Variants in THBS4 observed in about 807,000 individuals in gnomAD.
THBS4 encodes the protein thrombospondin 4, also known as thrombospondin-4.
Under a neutral mutation model 115.7 loss-of-function variants are expected in THBS4, and 90 were observed. The observed-to-expected ratio is 0.78, with a 90% CI of 0.66 to 0.93. THBS4 has a LOEUF of 0.93. THBS4 is among the 40% of genes least tolerant of loss of function. The pLI is 0.00. For synonymous variants in THBS4, 460 were observed against 479.3 expected, an observed-to-expected ratio of 0.96 and a Z score of 0.53; for missense variants, 1,087 against 1,232.7, an observed-to-expected ratio of 0.88 and a Z score of 1.77.
chr5:80,078,324 C>T, intron 17 of THBS4, 97 bp downstream of exon 17: 1 of 1,084,412 alleles, frequency 9.2e-7, no homozygotes. Context: ...GACAATAAGC[C>T]AGGCATTCTT....
chr5:80,035,175 G>A (rs1832670209), upstream of THBS4, among the ~76,000 whole-genome samples: 1 of 151,906 alleles, frequency 6.6e-6, no homozygotes, highest in Admixed American at 6.5e-5. This position sits in a 1 kb window ranked among gnomAD's most constrained non-coding sequence, Gnocchi z 4.6. Context: ...GACCTGGTCC[G>A]TCCAGGCTCC....
At chr5:80,081,432 AAATAAG>A (rs1743501426) in intron 20 of THBS4, among the ~76,000 whole-genome samples, 1 of 152,194 alleles carries the variant, frequency 6.6e-6, no homozygotes, top group Non-Finnish European at 1.5e-5. Context: ...TATCATAGAG[AAATAAG>A]AATAATTTAT....
At chr5:80,008,815 G>A (rs1022038441) in intron 2 of THBS4, among the ~76,000 whole-genome samples, 1 of 152,114 alleles carries the variant, frequency 6.6e-6, no homozygotes, top group African/African-American at 2.4e-5. Context: ...GATGTCTGGT[G>A]GGGAGGGGGT....
At position 80,053,513 on chromosome 5, in the gene THBS4, CAT is replaced by C. The variant is rs1314824220; in HGVS notation, c.293-2271_293-2270del. The stretch of plus-strand genomic sequence containing the variant: ...GCAATGCTGGGCTGTTGGGTTTACA[CAT>C]GTTTAAGGTTCTGATGCATGTGACT... On this transcript the variant is annotated intron_variant, in intron 2 of 21. Coordinates refer to ENST00000350881, the MANE Select transcript of THBS4 (RefSeq NM_003248.6). Among the ~76,000 whole-genome samples the C allele has an allele frequency of 7.3e-5, 11 of 151,682 alleles. No individual in the cohort carries two copies. In the South Asian group the frequency reaches 1.3e-3, roughly 17 times the overall value.
rs183812327 is a variant in THBS4, at chr5:80,072,993, C to T, written c.1840-282C>T. ...GCTCCCTGTGACCCGTGCCAGAGTT[C>T]CATGCCTCCACCTGCCACCATGCTA... On this transcript the variant is annotated intron_variant, in intron 14 of 21. Transcript: ENST00000350881. Among the ~76,000 whole-genome samples, 3 of 152,372 alleles carry T rather than the reference C, an allele frequency of 2.0e-5. No individual in the cohort carries two copies. The East Asian group carries it at 5.8e-4, about 29-fold the overall frequency.
chr5:79,998,334 G>T (rs545949326), exon 2 of THBS4: 1 of 152,950 alleles, frequency 6.5e-6, no homozygotes. Context: ...TGCTCCAGCT[G>T]TGTGGGACGT....
chr5:80,031,457 T>G (rs1427849817), upstream of THBS4, among the ~76,000 whole-genome samples: 2 of 152,244 alleles, frequency 1.3e-5, no homozygotes, highest in Non-Finnish European at 2.9e-5. Flanking sequence ...CAGTTCTCTA[T>G]TGCTACAATA....
At position 80,078,043 on chromosome 5, in the gene THBS4, A is replaced by G. The variant is rs1024540658; in HGVS notation, c.2087-6A>G. On this transcript the variant is annotated splice_polypyrimidine_tract_variant and splice_region_variant and intron_variant, in intron 16 of 21. Coordinates refer to ENST00000350881, the MANE Select transcript of THBS4 (RefSeq NM_003248.6). ...TGAGCTCCTGTCCTTTCTCCACCCC[A>G]CTCAGGCGACGGAGTGGGAGACATC... The G allele has an allele frequency of 1.9e-6, 3 of 1,567,162 alleles. No homozygotes were observed. In the Admixed American group the frequency reaches 5.2e-5, roughly 27 times the overall value.
chr5:80,024,161 C>T (rs956635020), intron 2 of THBS4, among the ~76,000 whole-genome samples: 1 of 152,096 alleles, frequency 6.6e-6, no homozygotes, highest in African/African-American at 2.4e-5. Context: ...TTGGCTTTTC[C>T]ACTCACCTGA....
chr5:80,053,540 TA>T (rs1164714024), intron 2 of THBS4, among the ~76,000 whole-genome samples: 1 of 152,182 alleles, frequency 6.6e-6, no homozygotes, highest in Non-Finnish European at 1.5e-5. Flanking sequence ...TGCATGTGAC[TA>T]AATTACCCTC....
chr5:80,004,090 A>C (rs1179365889), intron 2 of THBS4, among the ~76,000 whole-genome samples: 1 of 152,190 alleles, frequency 6.6e-6, no homozygotes, highest in Admixed American at 6.5e-5. Context: ...AAAATCTCCT[A>C]GTCAGATTCC....
intron 9 of THBS4, among the ~76,000 whole-genome samples, chr5:80,066,094 CAAA>C (rs34135437): frequency 1.2e-4 from 10 of 80,688 alleles, no homozygotes; most frequent in Middle Eastern, 7.4e-3. Flanking sequence ...GACTCCCTCT[CAAA>C]AAAAAAAAAA....
chr5:80,082,229 A>T, intron 20 of THBS4, 177 bp from the exon 21 acceptor site: 2 of 723,450 alleles, frequency 2.8e-6, no homozygotes, highest in Non-Finnish European at 4.4e-6. Context: ...AAGGACTTCC[A>T]GTCTAGTAAG....
At chr5:80,035,216 T>C, upstream of THBS4, 1 of 154,610 alleles carries the variant, frequency 6.5e-6, no homozygotes, top group Non-Finnish European at 1.4e-5. This position sits in a 1 kb window ranked among gnomAD's most constrained non-coding sequence, Gnocchi z 4.6. Context: ...CCTTTCTCCC[T>C]GCGGCCCCGG....
chr5:80,055,095 G>A (rs1404018514), intron 2 of THBS4, among the ~76,000 whole-genome samples: 3 of 152,002 alleles, frequency 2.0e-5, no homozygotes, highest in Non-Finnish European at 4.4e-5. Flanking sequence ...GCCGAGGCAG[G>A]TGGATCGCTT....
intron 1 of THBS4, among the ~76,000 whole-genome samples, chr5:79,994,667 A>T (rs933715197): frequency 1.3e-5 from 2 of 152,198 alleles, no homozygotes; most frequent in African/African-American, 4.8e-5. Context: ...ATAGCTGGGC[A>T]TGATGGTGTG....
At chr5:80,080,155 C>G in intron 20 of THBS4, 78 bp downstream of exon 20, 1 of 1,488,914 alleles carries the variant, frequency 6.7e-7, no homozygotes. Flanking sequence ...CCTTCATTTC[C>G]CTGAGCAATT....
At chr5:80,048,693 A>C (rs1833156702) in intron 2 of THBS4, among the ~76,000 whole-genome samples, 1 of 151,532 alleles carries the variant, frequency 6.6e-6, no homozygotes, top group African/African-American at 2.4e-5. Context: ...ATTTATTCAA[A>C]TTGCCATAAG....
chr5:80,082,453 C>T lies in THBS4; in HGVS notation c.2732C>T (p.Thr911Ile), dbSNP rs1030511298. ...GSELVADSGV[T>I]IDTTMRGGRL... Reference sequence around the variant, plus strand: ...GAGTTGGTGGCTGACTCTGGCGTCACCATAGACACCACAATGCGTGGAGGC... The same window carrying T: ...GAGTTGGTGGCTGACTCTGGCGTCATCATAGACACCACAATGCGTGGAGGC... Residue 911 changes from threonine (T) to isoleucine (I), a missense_variant, in exon 21 of 22, where the codon ACC (threonine) becomes ATC (isoleucine). Physicochemically the swap from Thr to Ile is moderately conservative, Grantham distance 89. Coordinates refer to ENST00000350881, the MANE Select transcript of THBS4 (RefSeq NM_003248.6). 2 of 1,614,226 alleles carry T rather than the reference C, an allele frequency of 1.2e-6. No homozygotes were observed. The highest frequency in any genetic ancestry group is 1.1e-5 in the South Asian group (1 of 91,090).
Sources: gnomAD v4.1 joint callset for allele counts (sites outside exome capture counted in the v4.1 genomes callset) on GRCh38, gnomAD v4.1.1 for gene constraint, Gnocchi (gnomAD v3.1) non-coding constraint, MANE v1.5 for transcripts, NCBI Gene and HGNC (gene_info 2026-07-23, HGNC 2026-07-21) for gene names.